GREB1L: variants seen among roughly 807,000 people sequenced by gnomAD.
GREB1L encodes the protein GREB1 like retinoic acid receptor coactivator.
GREB1L carries 17 observed loss-of-function variants against 200.8 expected under a neutral mutation model. The observed-to-expected ratio is 0.08, with a 90% CI of 0.06 to 0.13. The LOEUF (loss-of-function observed/expected upper bound fraction) is 0.13. Among genes scored for constraint, GREB1L ranks in the 10% least tolerant of loss-of-function variants. GREB1L has a pLI of 1.00. For missense variants in GREB1L, 1,657 were observed against 2,367.7 expected, an observed-to-expected ratio of 0.70 and a Z score of 6.23; for synonymous variants, 789 against 893.0, an observed-to-expected ratio of 0.88 and a Z score of 2.08.
intron 1 of GREB1L, among the ~76,000 whole-genome samples, chr18:21,306,121 G>A (rs1360447813): frequency 1.3e-5 from 2 of 152,134 alleles, no homozygotes; most frequent in African/African-American, 4.8e-5. Context: ...ATCCCCACTA[G>A]AATTATGCAC....
chr18:21,278,397 T>TAA (rs1347587699), intron 1 of GREB1L, among the ~76,000 whole-genome samples: 6 of 116,568 alleles, frequency 5.1e-5, no homozygotes, highest in Admixed American at 2.6e-4. Flanking sequence ...AAAAAATAAA[T>TAA]AAATAAATAA....
chr18:21,268,086 A>G (rs2038001702), intron 1 of GREB1L, among the ~76,000 whole-genome samples: 1 of 152,128 alleles, frequency 6.6e-6, no homozygotes, highest in Admixed American at 6.5e-5. Context: ...AACTAGGACT[A>G]AAGGATATGA....
chr18:21,294,463 A>C (rs1332557574), intron 1 of GREB1L, among the ~76,000 whole-genome samples: 1 of 151,938 alleles, frequency 6.6e-6, no homozygotes, highest in Non-Finnish European at 1.5e-5. Context: ...AATAATAATA[A>C]TAATACAAAG....
chr18:21,391,567 G>GACAACCA (rs2040808508), intron 4 of GREB1L, among the ~76,000 whole-genome samples: 1 of 152,240 alleles, frequency 6.6e-6, no homozygotes, highest in Admixed American at 6.5e-5. Flanking sequence ...TGGATCTACT[G>GACAACCA]TTTCTGGTGG....
chr18:21,463,106 G>A (rs1486578099), intron 15 of GREB1L, among the ~76,000 whole-genome samples: 3 of 145,672 alleles, frequency 2.1e-5, no homozygotes, highest in African/African-American at 7.5e-5. Flanking sequence ...TCATAGGAGA[G>A]AGCCGATAGG....
At chr18:21,363,963 T>G (rs2039619035) in intron 1 of GREB1L, 1 of 152,238 alleles carries the variant, frequency 6.6e-6, no homozygotes, top group Admixed American at 6.5e-5. Context: ...GAATATATTA[T>G]GTGAGGATTT....
intron 15 of GREB1L, among the ~76,000 whole-genome samples, chr18:21,471,199 G>A (rs1474856891): frequency 6.6e-6 from 1 of 152,172 alleles, no homozygotes; most frequent in Non-Finnish European, 1.5e-5. Flanking sequence ...TGTTTTGAAA[G>A]GCAGCAAACT....
chr18:21,367,552 A>G (rs2039723217), intron 2 of GREB1L, among the ~76,000 whole-genome samples: 1 of 152,230 alleles, frequency 6.6e-6, no homozygotes, highest in Non-Finnish European at 1.5e-5. Context: ...CTAATCTGCA[A>G]ACAAGGTATT....
In GREB1L at chr18:21,439,545, A is replaced by T; in HGVS notation, c.857A>T (p.His286Leu). Residue 286 changes from histidine to leucine, a missense_variant, in exon 8 of 33, where the codon CAT becomes CTT. Physicochemically the swap from His to Leu is moderately conservative, Grantham distance 99. Transcript: ENST00000424526. ...QTDAANGNSS[H>L]GGKGSASSST... is the part of the protein sequence containing the mutation. ...GATGCTGCTAATGGAAACAGTAGCC[A>T]TGGAGGGAAGGGCAGTGCATCCAGC... The T allele has an allele frequency of 6.5e-7, 1 of 1,549,902 alleles. No individual in the cohort carries two copies. The highest frequency in any genetic ancestry group is 8.7e-7 in the Non-Finnish European group (1 of 1,145,112).
At chr18:21,342,587 C>A (rs971233829) in intron 1 of GREB1L, among the ~76,000 whole-genome samples, 1 of 152,166 alleles carries the variant, frequency 6.6e-6, no homozygotes, top group African/African-American at 2.4e-5. Context: ...ACTAGCTTTA[C>A]CAGACGCTCA....
intron 32 of GREB1L, among the ~76,000 whole-genome samples, chr18:21,522,161 A>T (rs1387426316): frequency 6.6e-6 from 1 of 151,902 alleles, no homozygotes; most frequent in Admixed American, 6.6e-5. Context: ...AAGATTACTT[A>T]CTTTATACTC....
chr18:21,499,136 T>C (rs2036672344), intron 21 of GREB1L, among the ~76,000 whole-genome samples: 1 of 152,142 alleles, frequency 6.6e-6, no homozygotes, highest in Non-Finnish European at 1.5e-5. Flanking sequence ...GGTTGCAGTC[T>C]GGGGAGCTGA....
intron 1 of GREB1L, among the ~76,000 whole-genome samples, chr18:21,316,713 T>C (rs1178677003): frequency 6.6e-6 from 1 of 151,360 alleles, no homozygotes; most frequent in Non-Finnish European, 1.5e-5. Flanking sequence ...TCTGTATAAA[T>C]ACAAAGTTGT....
intron 10 of GREB1L, among the ~76,000 whole-genome samples, chr18:21,443,617 G>T (rs1467931916): frequency 6.6e-6 from 1 of 152,152 alleles, no homozygotes; most frequent in Non-Finnish European, 1.5e-5. Flanking sequence ...GACATGTTTT[G>T]CAAACTCATC....
intron 1 of GREB1L, among the ~76,000 whole-genome samples, chr18:21,255,475 T>A (rs1598608617): frequency 6.6e-6 from 1 of 152,314 alleles, no homozygotes; most frequent in Non-Finnish European, 1.5e-5. Flanking sequence ...AAAGCATACC[T>A]ATTATTTACA....
chr18:21,457,960 G>A (rs1007192648), intron 15 of GREB1L, among the ~76,000 whole-genome samples: 6 of 144,748 alleles, frequency 4.1e-5, no homozygotes, highest in African/African-American at 1.3e-4. Context: ...TGAGAGCAAG[G>A]ACAGTTTTTT....
At chr18:21,513,793 A>G (rs2037323271) in intron 27 of GREB1L, 28 bp from the exon 28 acceptor site, 24 of 1,545,872 alleles carry the variant, frequency 1.6e-5, no homozygotes, top group Non-Finnish European at 2.0e-5. Flanking sequence ...ATGTGTGGAT[A>G]TGCAGATGTG....
At chr18:21,281,039 G>A (rs2038260457) in intron 1 of GREB1L, among the ~76,000 whole-genome samples, 1 of 152,210 alleles carries the variant, frequency 6.6e-6, no homozygotes, top group Non-Finnish European at 1.5e-5. Flanking sequence ...CTTGTTTGCA[G>A]AATGGCACCC....
intron 1 of GREB1L, among the ~76,000 whole-genome samples, chr18:21,256,575 A>G (rs905841372): frequency 1.9e-4 from 29 of 152,302 alleles, no homozygotes; most frequent in African/African-American, 7.0e-4. Flanking sequence ...AATCTAATCT[A>G]TTAAGAATAA....
Sources: allele counts gnomAD v4.1 joint callset (sites outside exome capture counted in the v4.1 genomes callset), GRCh38; gene constraint gnomAD v4.1.1; transcripts MANE v1.5; gene names NCBI Gene and HGNC (gene_info 2026-07-23, HGNC 2026-07-21).